Variants in STRBP observed in about 807,000 individuals in gnomAD.
The protein encoded by STRBP is spermatid perinuclear RNA-binding protein.
In STRBP, 13 loss-of-function variants were observed where a neutral mutation model predicts 80.1. The ratio of observed to expected loss-of-function variants is 0.16; its 90% CI spans 0.11 to 0.26. STRBP has a LOEUF of 0.26. STRBP is among the 10% of genes least tolerant of loss of function. The pLI, the probability that STRBP is intolerant of heterozygous loss-of-function variation, is 1.00. For missense variants in STRBP, 485 were observed against 815.2 expected, an observed-to-expected ratio of 0.59 and a Z score of 4.93; for synonymous variants, 284 against 291.2, an observed-to-expected ratio of 0.98 and a Z score of 0.25.
At chr9:123,156,923 G>A (rs888643432) in intron 11 of STRBP, among the ~76,000 whole-genome samples, 1 of 151,002 alleles carries the variant, frequency 6.6e-6, no homozygotes, top group African/African-American at 2.4e-5. Flanking sequence ...GAAAGGGAGG[G>A]AAAAAAAAAT....
At chr9:123,250,000 T>C (rs1419709531) in intron 1 of STRBP, among the ~76,000 whole-genome samples, 1 of 152,244 alleles carries the variant, frequency 6.6e-6, no homozygotes, top group Non-Finnish European at 1.5e-5. Flanking sequence ...TAAAACCATG[T>C]ATAGATAAAA....
At chr9:123,225,039 CA>C (rs2040191693) in intron 2 of STRBP, among the ~76,000 whole-genome samples, 1 of 152,092 alleles carries the variant, frequency 6.6e-6, no homozygotes, top group Non-Finnish European at 1.5e-5. Context: ...ATGAAGTCCA[CA>C]AATATTGAAA....
intron 9 of STRBP, among the ~76,000 whole-genome samples, 171 bp downstream of exon 9, chr9:123,158,923 GAA>G (rs1457384091): frequency 6.6e-6 from 1 of 152,058 alleles, no homozygotes; most frequent in African/African-American, 2.4e-5. Context: ...TATAATTATT[GAA>G]AAAGAGTTTT....
chr9:123,254,067 T>G (rs1264492432), intron 1 of STRBP, among the ~76,000 whole-genome samples: 1 of 152,190 alleles, frequency 6.6e-6, no homozygotes, highest in Non-Finnish European at 1.5e-5. Context: ...GAAAAAATCT[T>G]AATTATTCCA....
At position 123,124,685 on chromosome 9, in the gene STRBP, A is replaced by G. The variant is rs1316539094; in HGVS notation, c.*912T>C. 2 of 985,346 alleles carry G rather than the reference A, an allele frequency of 2.0e-6. No individual in the cohort carries two copies. The highest frequency in any genetic ancestry group is 3.5e-5 in the African/African-American group (2 of 57,244). The allele number at this position is 985,346 out of a possible 1,614,324, so 61.0% of individuals were successfully genotyped here. A position where few individuals can be genotyped will look rare whatever the true frequency, so the allele number is the denominator to read the frequency against. ...GTGAACACAATATCTTACAGAGTGA[A>G]GAAGGCCACAAGAACAAGAGAGGGT... On this transcript the variant is annotated 3_prime_UTR_variant, in exon 19 of 19. Coordinates refer to ENST00000348403, the MANE Select transcript of STRBP (RefSeq NM_018387.5).
chr9:123,202,936 A>G (rs1337988021), intron 2 of STRBP, among the ~76,000 whole-genome samples: 2 of 152,202 alleles, frequency 1.3e-5, no homozygotes, highest in Admixed American at 6.5e-5. Context: ...ACCTGGTCAG[A>G]GCAACCACCA....
chr9:123,243,750 C>T (rs2040745295), intron 1 of STRBP, among the ~76,000 whole-genome samples: 1 of 152,104 alleles, frequency 6.6e-6, no homozygotes, highest in South Asian at 2.1e-4. Context: ...CAGAGACATG[C>T]AAATCCAATC....
At chr9:123,128,161 T>C (rs2035970976) in intron 18 of STRBP, 53 bp downstream of exon 18, 3 of 1,600,392 alleles carry the variant, frequency 1.9e-6, no homozygotes, top group East Asian at 4.5e-5. Context: ...AACTGTGCTT[T>C]GGATTGCTGT....
intron 2 of STRBP, among the ~76,000 whole-genome samples, chr9:123,216,044 T>C (rs1276825210): frequency 6.6e-6 from 1 of 152,208 alleles, no homozygotes; most frequent in Non-Finnish European, 1.5e-5. Context: ...ACCCTTGGAA[T>C]GAAATTTTTC....
Position 123,122,581 on chromosome 9 carries a change from A to T in STRBP, c.*3016T>A. On this transcript the variant is annotated 3_prime_UTR_variant, in exon 19 of 19. Transcript: ENST00000348403. ...CCTTACTTCACCACCCATGCACTTC[A>T]TCTAGTCAGCATGAGGTATGTTGGA... 9.0e-7 allele frequency: 1 copy of T among 1,111,340 alleles called. No homozygotes were observed. The highest frequency in any genetic ancestry group is 1.1e-6 in the Non-Finnish European group (1 of 904,300). The allele number at this position is 1,111,340 out of a possible 1,614,324, so 68.8% of individuals were successfully genotyped here. A position where few individuals can be genotyped will look rare whatever the true frequency, so the allele number is the denominator to read the frequency against.
Position 123,214,413 on chromosome 9 carries a change from G to A in STRBP, c.-165+22417C>T, listed in dbSNP as rs1030144019. On this transcript the variant is annotated intron_variant, in intron 2 of 18. Coordinates refer to ENST00000348403, the MANE Select transcript of STRBP (RefSeq NM_018387.5). ...GTTCAGTGTACACTGCTTGGGTGAT[G>A]GGTGCACCAAAATCTCACAAATCAC... Among the ~76,000 whole-genome samples the A allele has an allele frequency of 2.4e-4, 37 of 152,004 alleles. 2 individuals are homozygous for A. The highest frequency in any genetic ancestry group is 1.5e-5 in the Non-Finnish European group (1 of 68,006).
At chr9:123,244,827 T>C (rs2040766815) in intron 1 of STRBP, among the ~76,000 whole-genome samples, 2 of 152,146 alleles carry the variant, frequency 1.3e-5, no homozygotes, top group Non-Finnish European at 1.5e-5. Flanking sequence ...AAATGGAAAA[T>C]TATGACCATT....
intron 6 of STRBP, among the ~76,000 whole-genome samples, chr9:123,164,715 C>A (rs1291996027): frequency 6.6e-6 from 1 of 152,272 alleles, no homozygotes; most frequent in Admixed American, 6.5e-5. Flanking sequence ...CAGGATGAAA[C>A]TGAGCTACTA....
chr9:123,132,203 G>C (rs1323923122), intron 17 of STRBP, among the ~76,000 whole-genome samples: 1 of 152,088 alleles, frequency 6.6e-6, no homozygotes, highest in Non-Finnish European at 1.5e-5. Flanking sequence ...TGGTTTAGTG[G>C]TTGCTTCACC....
chr9:123,195,865 A>G (rs2039073192), intron 2 of STRBP, among the ~76,000 whole-genome samples: 1 of 152,198 alleles, frequency 6.6e-6, no homozygotes, highest in Non-Finnish European at 1.5e-5. Context: ...AAATTTACAC[A>G]GTACCACCAA....
At chr9:123,203,522 T>C (rs932021872) in intron 2 of STRBP, among the ~76,000 whole-genome samples, 1 of 152,152 alleles carries the variant, frequency 6.6e-6, no homozygotes, top group Non-Finnish European at 1.5e-5. Flanking sequence ...CCTCACTCAC[T>C]GTGCTCTACT....
chr9:123,214,491 T>C (rs1443729170), intron 2 of STRBP, among the ~76,000 whole-genome samples: 2 of 151,994 alleles, frequency 1.3e-5, no homozygotes, highest in Non-Finnish European at 2.9e-5. Flanking sequence ...CAAAAACCTA[T>C]GGAAATAAAA....
intron 2 of STRBP, among the ~76,000 whole-genome samples, chr9:123,197,381 G>A (rs1221789972): frequency 6.6e-6 from 1 of 152,146 alleles, no homozygotes; most frequent in Non-Finnish European, 1.5e-5. Flanking sequence ...TGGGGTACAA[G>A]TGGGTTTTGT....
At chr9:123,169,172 CTTT>C (rs397950031) in intron 6 of STRBP, among the ~76,000 whole-genome samples, 4 of 136,912 alleles carry the variant, frequency 2.9e-5, no homozygotes, top group Admixed American at 7.3e-5. Context: ...GCAAATAATT[CTTT>C]TTTTTTTTTT....
Sources: allele counts gnomAD v4.1 joint callset (sites outside exome capture counted in the v4.1 genomes callset), GRCh38; gene constraint gnomAD v4.1.1; transcripts MANE v1.5; gene names NCBI Gene and HGNC (gene_info 2026-07-23, HGNC 2026-07-21).